MYH10: variants seen among roughly 807,000 people sequenced by gnomAD.
The protein encoded by MYH10 is myosin-10.
A neutral mutation model predicts 257.8 loss-of-function variants in MYH10; 55 were observed. The observed-to-expected ratio is 0.21, with a 90% CI of 0.17 to 0.27. The LOEUF (loss-of-function observed/expected upper bound fraction) is 0.27, where lower values mean the gene tolerates loss of function less well. Ranked by LOEUF, MYH10 falls within the 10% of genes least tolerant of loss-of-function variation. The pLI is 1.00. For missense variants in MYH10, 1,631 were observed against 2,500.6 expected, an observed-to-expected ratio of 0.65 and a Z score of 7.42; for synonymous variants, 854 against 921.7, an observed-to-expected ratio of 0.93 and a Z score of 1.33.
chr17:8,562,833 C>T (rs1390002), intron 7 of MYH10, among the ~76,000 whole-genome samples: 146,897 of 152,320 alleles, frequency 0.96, 71,065 homozygotes, highest in East Asian at 1. Flanking sequence ...TAGGGAAACC[C>T]GGATATTTGA....
At chr17:8,476,733 G>C (rs1912702297) in intron 42 of MYH10, 143 bp downstream of exon 42, 1 of 975,292 alleles carries the variant, frequency 1.0e-6, no homozygotes, top group Non-Finnish European at 1.5e-6. Flanking sequence ...ATAAAGGTCA[G>C]AAATCTTAAA....
At chr17:8,603,454 A>G (rs1433095301) in intron 3 of MYH10, among the ~76,000 whole-genome samples, 1 of 152,176 alleles carries the variant, frequency 6.6e-6, no homozygotes, top group Non-Finnish European at 1.5e-5. Flanking sequence ...GCCTGTCCCC[A>G]TCTTTCTGGA....
intron 2 of MYH10, among the ~76,000 whole-genome samples, chr17:8,605,667 C>T (rs1229632644): frequency 1.3e-5 from 2 of 152,102 alleles, no homozygotes; most frequent in East Asian, 3.8e-4. Context: ...TCGCCTGAAC[C>T]CCAGGGGGCA....
At chr17:8,514,023 C>T in intron 21 of MYH10, 129 bp from the exon 22 acceptor site, 1 of 836,856 alleles carries the variant, frequency 1.2e-6, no homozygotes, top group Non-Finnish European at 1.8e-6. Context: ...TCAATCAAGT[C>T]CTGGGTGAGA....
chr17:8,512,748 A>G, intron 23 of MYH10, 91 bp from the exon 24 acceptor site: 2 of 986,628 alleles, frequency 2.0e-6, no homozygotes, highest in Non-Finnish European at 2.9e-6. Flanking sequence ...ATGCACATCA[A>G]AGAAACTGGG....
intron 38 of MYH10, 61 bp downstream of exon 38, chr17:8,481,261 C>T (rs931834260): frequency 5.2e-6 from 8 of 1,523,872 alleles, no homozygotes; most frequent in Non-Finnish European, 7.2e-6. Context: ...ACACCTCCAG[C>T]CTTCTCAGCA....
intron 16 of MYH10, among the ~76,000 whole-genome samples, chr17:8,534,192 C>A (rs1157502149): frequency 1.3e-5 from 2 of 152,220 alleles, no homozygotes; most frequent in East Asian, 1.9e-4. Context: ...CATCCCTCGA[C>A]TGACTAGGTC....
chr17:8,558,230 A>C (rs569195022), intron 7 of MYH10, among the ~76,000 whole-genome samples: 4 of 152,344 alleles, frequency 2.6e-5, no homozygotes, highest in African/African-American at 9.6e-5. Flanking sequence ...AATTATTGGC[A>C]TGAAGAGATG....
Position 8,490,580 on chromosome 17 carries a change from T to C in MYH10, c.4672-28A>G. Reference sequence around the variant, plus strand: ...AAACCACCGAAGCATCAGGAAAGAGTTGACCGGGGTGGAGGCACATATGAA... The same window carrying C: ...AAACCACCGAAGCATCAGGAAAGAGCTGACCGGGGTGGAGGCACATATGAA... On this transcript the variant is annotated intron_variant, in intron 34 of 42. Transcript: ENST00000360416. This position sits in a 1 kb window ranked among gnomAD's most constrained non-coding sequence, Gnocchi z 4.1. The C allele has an allele frequency of 6.2e-7, 1 of 1,604,816 alleles. No homozygotes were observed. The highest frequency in any genetic ancestry group is 8.5e-7 in the Non-Finnish European group (1 of 1,171,650).
chr17:8,563,796 C>CTA (rs2083072483), intron 7 of MYH10, among the ~76,000 whole-genome samples: 1 of 151,758 alleles, frequency 6.6e-6, no homozygotes, highest in South Asian at 2.1e-4. Flanking sequence ...AGGAGGATGC[C>CTA]TAGAGCCCTT....
chr17:8,555,686 C>T (rs1465754457), intron 7 of MYH10, among the ~76,000 whole-genome samples: 1 of 152,150 alleles, frequency 6.6e-6, no homozygotes, highest in African/African-American at 2.4e-5. Context: ...AACTATAAAA[C>T]TTCTCAAAGC....
At chr17:8,579,650 G>T (rs1401569496) in intron 4 of MYH10, among the ~76,000 whole-genome samples, 1 of 152,058 alleles carries the variant, frequency 6.6e-6, no homozygotes, top group Admixed American at 6.5e-5. Context: ...CCACCCACAA[G>T]TGTTTGAATC....
At chr17:8,581,372 A>T (rs2083698664) in intron 4 of MYH10, among the ~76,000 whole-genome samples, 1 of 152,050 alleles carries the variant, frequency 6.6e-6, no homozygotes, top group Non-Finnish European at 1.5e-5. Context: ...TTTTAGACTG[A>T]TGATGACTTG....
chr17:8,489,746 C>A (rs1464044868), intron 35 of MYH10, among the ~76,000 whole-genome samples: 1 of 149,560 alleles, frequency 6.7e-6, no homozygotes, highest in Non-Finnish European at 1.5e-5. Flanking sequence ...CACACACACA[C>A]CCCAAATCCA....
chr17:8,519,031 AG>A, intron 19 of MYH10, 81 bp from the exon 20 acceptor site: 7 of 1,088,968 alleles, frequency 6.4e-6, no homozygotes, highest in African/African-American at 1.6e-5. Context: ...TTGCTCTAAG[AG>A]GCAATAAAAT....
intron 1 of MYH10, 176 bp from the exon 2 acceptor site, chr17:8,623,453 C>A (rs554661688): frequency 6.7e-6 from 3 of 446,866 alleles, no homozygotes; most frequent in East Asian, 4.3e-5. Flanking sequence ...TCAGCGGTGA[C>A]CACAAATTAT....
At chr17:8,585,284 G>GTATATATATATATATATATATATATA (rs1380120586) in intron 4 of MYH10, among the ~76,000 whole-genome samples, 2 of 6,388 alleles carry the variant, frequency 3.1e-4, no homozygotes, top group Non-Finnish European at 2.5e-3. Flanking sequence ...GCATGTGTGT[G>GTATATATATATATATATATATATATA]TGTGTATATA....
intron 35 of MYH10, among the ~76,000 whole-genome samples, chr17:8,488,299 G>A (rs2151805285): frequency 6.6e-6 from 1 of 152,228 alleles, no homozygotes. Context: ...TCAGAAGAAG[G>A]TGCTCTGGAG....
rs71361810 is a variant in MYH10, at chr17:8,610,271, C to CAAAAA, written c.346-5294_346-5290dup. ...GTTTATAGGGAGCACCATAGGATTG[C>CAAAAA]AAAAAAAAAAAAAAAAAAAAAGGGT... On this transcript the variant is annotated intron_variant, in intron 2 of 42. Coordinates refer to ENST00000360416, the MANE Select transcript of MYH10 (RefSeq NM_001256012.3). Among the ~76,000 whole-genome samples the CAAAAA allele has an allele frequency of 2.6e-3, 120 of 45,972 alleles. 10 individuals are homozygous for CAAAAA. Among genetic ancestry groups the CAAAAA allele is most frequent in the African/African-American group, 8.7e-3 (86 of 9,864 alleles). The allele number at this position is 45,972 out of a possible 152,430, so 30.2% of individuals were successfully genotyped here. A position where few individuals can be genotyped will look rare whatever the true frequency, so the allele number is the denominator to read the frequency against.
Sources: gnomAD v4.1 joint callset for allele counts (sites outside exome capture counted in the v4.1 genomes callset) on GRCh38, gnomAD v4.1.1 for gene constraint, Gnocchi (gnomAD v3.1) non-coding constraint, MANE v1.5 for transcripts, NCBI Gene and HGNC (gene_info 2026-07-23, HGNC 2026-07-21) for gene names.